KIAA1671: variants seen among roughly 807,000 people sequenced by gnomAD.
The protein encoded by KIAA1671 is KIAA1671, also known as uncharacterized protein KIAA1671.
KIAA1671 carries 52 observed loss-of-function variants against 131.2 expected under a neutral mutation model. The observed-to-expected ratio is 0.40, with a 90% CI of 0.32 to 0.50. The LOEUF (loss-of-function observed/expected upper bound fraction) is 0.50. KIAA1671 is among the 20% of genes least tolerant of loss of function. KIAA1671 has a pLI of 0.73. For missense variants in KIAA1671, 2,360 were observed against 2,364.2 expected (o/e 1.00, Z 0.04); for synonymous variants, 1,003 against 961.6 (o/e 1.04, Z -0.80).
At chr22:25,044,800 T>C (rs1927133777) in intron 5 of KIAA1671, among the ~76,000 whole-genome samples, 2 of 152,350 alleles carry the variant, frequency 1.3e-5, no homozygotes, top group Admixed American at 6.5e-5. Flanking sequence ...CAGTCACTTA[T>C]CAATCATATA....
At chr22:25,065,090 A>G (rs1041041632) in intron 6 of KIAA1671, 3 of 152,324 alleles carry the variant, frequency 2.0e-5, no homozygotes, top group Non-Finnish European at 4.4e-5. Flanking sequence ...GAGCATAGGC[A>G]GGGAGGCTGA....
chr22:25,166,654 C>T (rs1933654071), intron 6 of KIAA1671, among the ~76,000 whole-genome samples: 1 of 152,224 alleles, frequency 6.6e-6, no homozygotes, highest in South Asian at 2.1e-4. Flanking sequence ...TTCCCATCTC[C>T]TGGGTACCCA....
At chr22:25,032,830 T>G in intron 4 of KIAA1671, 134 bp downstream of exon 4, 1 of 507,556 alleles carries the variant, frequency 2.0e-6, no homozygotes, top group Non-Finnish European at 3.5e-6. Context: ...ACATTTTTTC[T>G]TCTAATGTTG....
chr22:25,010,759 A>T (rs1924991746), intron 1 of KIAA1671: 1 of 152,202 alleles, frequency 6.6e-6, no homozygotes, highest in South Asian at 2.1e-4. Context: ...ACCCAAACCA[A>T]CAATGGCTTA....
rs1031350919 is a variant in KIAA1671 at position 25,028,114 on chromosome 22, G to A, written c.115G>A (p.Ala39Thr). The A allele has an allele frequency of 1.6e-5, 25 of 1,551,360 alleles. No individual in the cohort carries two copies. Among genetic ancestry groups the A allele is most frequent in the Admixed American group, 5.9e-5 (3 of 50,982 alleles). Residue 39 changes from alanine (A) to threonine (T), a missense_variant, in exon 3 of 13, where the codon GCC becomes ACC. Ala to Thr is a moderately conservative substitution (Grantham distance 58, BLOSUM62 0). Around this residue, in one of 3 missense-constraint regions of KIAA1671, gnomAD observed 1,185 missense variants for 1,126.2 expected, o/e 1.05. Transcript: ENST00000358431. ...TRTYFLQAGE[A>T]SGAPPARILE... The stretch of plus-strand genomic sequence containing the variant: ...GACCTACTTCCTCCAGGCCGGCGAA[G>A]CCTCTGGGGCTCCCCCAGCCCGGAT...
In KIAA1671 at chr22:25,065,948, T is replaced by C. The variant is rs114334739; in HGVS notation, c.4530+16584T>C. ...GCCACTGCGCCTGATCGAGACTGGG[T>C]ACTTTAAAGAAACAGAGATGTATTT... On this transcript the variant is annotated intron_variant, in intron 6 of 12. Coordinates refer to ENST00000358431, the MANE Select transcript of KIAA1671 (RefSeq NM_001145206.2). Among the ~76,000 whole-genome samples, 405 of 152,242 alleles carry C rather than the reference T, an allele frequency of 2.7e-3. 3 individuals are homozygous for C. Among genetic ancestry groups the C allele is most frequent in the African/African-American group, 8.5e-3 (352 of 41,538 alleles).
Position 25,181,780 on chromosome 22 carries a change from A to G in KIAA1671, c.5156A>G (p.Gln1719Arg). 1 of 1,551,484 alleles carries G rather than the reference A, an allele frequency of 6.4e-7. No individual in the cohort carries two copies. The highest frequency in any genetic ancestry group is 2.4e-5 in the East Asian group (1 of 40,906). The change falls in exon 10 of 13, where the codon CAG becomes CGG. Residue 1719 changes from glutamine (Q) to arginine (R), a missense_variant. By Grantham distance (43) the Gln-to-Arg change is conservative. Coordinates refer to ENST00000358431, the MANE Select transcript of KIAA1671 (RefSeq NM_001145206.2). ...GAGAGGACCCCTGTCAGCCATCCTC[A>G]GAGGATGCCTGCGTTTCCAGGCATG... ...KAERTPVSHPQRMPAFPGMDP... is the reference protein window; with the variant it reads ...KAERTPVSHPRRMPAFPGMDP...
chr22:25,098,603 T>C (rs571685391), intron 6 of KIAA1671, among the ~76,000 whole-genome samples: 31 of 118,080 alleles, frequency 2.6e-4, no homozygotes, highest in African/African-American at 7.8e-4. Flanking sequence ...CAGGCAGCTC[T>C]GGGTTGGAAA....
In KIAA1671 at chr22:25,040,186, C is replaced by T; in HGVS notation, c.3056C>T (p.Ser1019Leu). Residue 1019 changes from serine (S) to leucine (L), a missense_variant, in exon 5 of 13, where the codon TCA (serine) becomes TTA (leucine). Ser to Leu is a moderately radical substitution (Grantham distance 145). Transcript: ENST00000358431. ...DQTSPAVKQG[S>L]PVEPKATFFA... Reference sequence around the variant, plus strand: ...ACTTCCCCAGCAGTGAAGCAAGGGTCACCTGTGGAACCCAAGGCGACATTT... The same window carrying T: ...ACTTCCCCAGCAGTGAAGCAAGGGTTACCTGTGGAACCCAAGGCGACATTT... The T allele has an allele frequency of 1.9e-6, 3 of 1,551,696 alleles. No homozygotes were observed. Among genetic ancestry groups the T allele is most frequent in the Non-Finnish European group, 2.6e-6 (3 of 1,147,006 alleles).
At chr22:24,955,704 GGGGGC>G (rs1410390033) in intron 1 of KIAA1671, among the ~76,000 whole-genome samples, 2 of 152,082 alleles carry the variant, frequency 1.3e-5, no homozygotes, top group African/African-American at 4.8e-5. Context: ...CCAGGAGGCT[GGGGGC>G]CAGTAAGCAG....
At chr22:24,983,774 ATTTT>A (rs1164602658) in intron 1 of KIAA1671, among the ~76,000 whole-genome samples, 1 of 116,748 alleles carries the variant, frequency 8.6e-6, no homozygotes, top group Non-Finnish European at 1.7e-5. Flanking sequence ...GGTGTTTGGA[ATTTT>A]TTTTTTTTTT....
chr22:24,986,826 G>A (rs761294396), intron 1 of KIAA1671, among the ~76,000 whole-genome samples: 30 of 151,872 alleles, frequency 2.0e-4, no homozygotes, highest in Admixed American at 3.9e-4. Context: ...TCAAGGCCCT[G>A]ACCCCTTTCA....
At chr22:25,096,954 G>A (rs1338010625) in intron 6 of KIAA1671, among the ~76,000 whole-genome samples, 3 of 152,186 alleles carry the variant, frequency 2.0e-5, no homozygotes, top group South Asian at 2.1e-4. Flanking sequence ...TCAATAACTC[G>A]TTCCCTTTAT....
At chr22:24,956,909 C>G (rs1285555057) in intron 1 of KIAA1671, among the ~76,000 whole-genome samples, 1 of 151,190 alleles carries the variant, frequency 6.6e-6, no homozygotes, top group Admixed American at 6.6e-5. Context: ...AGGGAATCAG[C>G]CAGAGATAGT....
chr22:25,001,566 G>A (rs1924482462), intron 1 of KIAA1671, among the ~76,000 whole-genome samples: 1 of 152,178 alleles, frequency 6.6e-6, no homozygotes, highest in African/African-American at 2.4e-5. Context: ...ACTGGGGTGG[G>A]GGAGATTGGC....
rs1266032762 is a variant in KIAA1671 at position 25,040,023 on chromosome 22, G to T, written c.2893G>T (p.Val965Phe). ...GAAATTTGATACATTCAGTTCTCTT[G>T]TCCCAGAGGACTCTCCACATGTGGG... The part of the protein sequence containing the change: ...NVKFDTFSSL[V>F]PEDSPHVGHR... Residue 965 changes from valine (V) to phenylalanine (F), a missense_variant, in exon 5 of 13, where the codon GTC (valine) becomes TTC (phenylalanine). By Grantham distance (50) the Val-to-Phe change is conservative (BLOSUM62 -1). This residue lies in a region of KIAA1671 where 1,161 missense variants were observed against 1,204.7 expected (regional missense o/e 0.96). Transcript: ENST00000358431. The T allele has an allele frequency of 2.6e-6, 4 of 1,551,584 alleles. No individual in the cohort carries two copies. Among genetic ancestry groups the T allele is most frequent in the Non-Finnish European group, 3.5e-6 (4 of 1,147,016 alleles).
intron 6 of KIAA1671, among the ~76,000 whole-genome samples, chr22:25,098,166 CACTTT>C (rs1300226262): frequency 4.6e-5 from 7 of 152,182 alleles, no homozygotes. Flanking sequence ...ACAGAGAAGG[CACTTT>C]ACTTGGAGGA....
chr22:24,967,861 C>T lies in KIAA1671; in HGVS notation c.-208+15089C>T, dbSNP rs552371616. On this transcript the variant is annotated intron_variant, in intron 1 of 12. Transcript: ENST00000358431. Reference sequence around the variant, plus strand: ...ACAAAAATTTAGCCGGGCGTGGTGGCGGGTGCCTGTAGTCCCAGCTACTCG... The same window carrying T: ...ACAAAAATTTAGCCGGGCGTGGTGGTGGGTGCCTGTAGTCCCAGCTACTCG... Among the ~76,000 whole-genome samples the T allele has an allele frequency of 2.6e-4, 39 of 152,168 alleles. 1 individual carries two copies. In the East Asian group the frequency reaches 5.2e-3, roughly 20 times the overall value.
intron 1 of KIAA1671, among the ~76,000 whole-genome samples, chr22:25,022,242 T>A (rs1333655506): frequency 1.3e-5 from 2 of 152,202 alleles, no homozygotes; most frequent in African/African-American, 2.4e-5. Context: ...AAATGACTGA[T>A]AAGCTCTCAG....
Sources: allele counts gnomAD v4.1 joint callset (sites outside exome capture counted in the v4.1 genomes callset), GRCh38; gene constraint gnomAD v4.1.1; regional missense constraint gnomAD v4.1.1; transcripts MANE v1.5; gene names NCBI Gene and HGNC (gene_info 2026-07-23, HGNC 2026-07-21).